Variants in COL6A6 observed in about 807,000 individuals in gnomAD.
The protein encoded by COL6A6 is collagen type VI alpha 6 chain.
Under a neutral mutation model 208.6 loss-of-function variants are expected in COL6A6, and 183 were observed. That is an observed-to-expected ratio of 0.88 (90% CI 0.78 to 0.99). The LOEUF is 0.99. Among genes scored for constraint, COL6A6 ranks in the 50% least tolerant of loss-of-function variants. COL6A6 has a pLI of 0.00. For missense variants in COL6A6, 2,816 were observed against 2,815.2 expected (o/e 1.00, Z -0.01); for synonymous variants, 973 against 1,011.8 (o/e 0.96, Z 0.73).
At chr3:130,542,425 G>A (rs939504846) in intron 1 of COL6A6, among the ~76,000 whole-genome samples, 2 of 152,002 alleles carry the variant, frequency 1.3e-5, no homozygotes, top group Admixed American at 6.6e-5. Context: ...ATTTGTGAAC[G>A]TGTTTTGTGG....
At chr3:130,639,689 C>T (rs1446739844) in intron 28 of COL6A6, among the ~76,000 whole-genome samples, 1 of 94,664 alleles carries the variant, frequency 1.1e-5, no homozygotes, top group African/African-American at 3.7e-5. Flanking sequence ...GATCCTGTCT[C>T]AAAAAAAAAA....
intron 1 of COL6A6, among the ~76,000 whole-genome samples, chr3:130,544,333 G>A (rs1393591815): frequency 6.6e-6 from 1 of 152,130 alleles, no homozygotes; most frequent in Non-Finnish European, 1.5e-5. Context: ...TGGCAAATGG[G>A]AGGATATCCT....
chr3:130,528,591 A>G (rs1450780113), intron 1 of COL6A6, among the ~76,000 whole-genome samples: 1 of 152,210 alleles, frequency 6.6e-6, no homozygotes, highest in African/African-American at 2.4e-5. Context: ...GTGTGTTCCA[A>G]TAAAGCTTTA....
chr3:130,550,760 A>T (rs560132321), intron 1 of COL6A6, among the ~76,000 whole-genome samples: 115 of 152,310 alleles, frequency 7.6e-4, no homozygotes, highest in African/African-American at 2.7e-3. Flanking sequence ...ATTCTGGAAG[A>T]TAAAATTCAA....
At chr3:130,524,951 C>T (rs192462925) in intron 1 of COL6A6, among the ~76,000 whole-genome samples, 1 of 152,310 alleles carries the variant, frequency 6.6e-6, no homozygotes, top group East Asian at 1.9e-4. Context: ...GACTTCAGCT[C>T]TTCACAAGGT....
Position 130,581,562 on chromosome 3 carries a change from CTGTTTCGTGGA to C in COL6A6, c.3554_3564del (p.Phe1185CysfsTer5), listed in dbSNP as rs2063421133. 6.3e-7 allele frequency: 1 copy of C among 1,599,282 alleles called. No individual in the cohort carries two copies. Among genetic ancestry groups the C allele is most frequent in the African/African-American group, 1.3e-5 (1 of 74,804 alleles). ...ACATGCTTTTCCTTTGAATCCTAGA[CTGTTTCGTGGA>C]TGTTGTGGTGGGATTTGATGTCTCA... is the stretch of plus-strand genomic sequence containing the variant. On this transcript the variant is annotated frameshift_variant and splice_region_variant, in exon 9 of 37. Coordinates refer to ENST00000358511, the MANE Select transcript of COL6A6 (RefSeq NM_001102608.3). LOFTEE classifies it high-confidence loss of function.
At position 130,587,411 on chromosome 3, in the gene COL6A6, G is replaced by A. The variant is rs149796773; in HGVS notation, c.4125+751G>A. Among the ~76,000 whole-genome samples the A allele has an allele frequency of 3.3e-3, 498 of 152,236 alleles. 1 individual carries two copies. The highest frequency in any genetic ancestry group is 6.8e-3 in the Middle Eastern group (2 of 292). On this transcript the variant is annotated intron_variant, in intron 11 of 36. Transcript: ENST00000358511. ...CGAGTAGCTGGGATTACCGGCGCCC[G>A]CCACCATGCCCGGCTAATTTTTGTA...
chr3:130,643,982 T>A (rs2065392804), intron 31 of COL6A6, among the ~76,000 whole-genome samples: 1 of 152,124 alleles, frequency 6.6e-6, no homozygotes, highest in Non-Finnish European at 1.5e-5. Context: ...GTTAGTGCGG[T>A]GGGTTTTATG....
chr3:130,603,892 T>G (rs2064101203), intron 20 of COL6A6, among the ~76,000 whole-genome samples: 1 of 151,992 alleles, frequency 6.6e-6, no homozygotes, highest in Admixed American at 6.5e-5. Flanking sequence ...AAGCCAGGCT[T>G]TGGGGGAATG....
At chr3:130,552,728 G>A (rs1038785751) in intron 1 of COL6A6, among the ~76,000 whole-genome samples, 4 of 152,208 alleles carry the variant, frequency 2.6e-5, no homozygotes, top group Admixed American at 2.0e-4. Context: ...ACTTGTTTGT[G>A]TGGTTGCTGG....
chr3:130,658,611 G>A (rs2065859580), intron 33 of COL6A6, 65 bp from the exon 34 acceptor site: 2 of 1,013,068 alleles, frequency 2.0e-6, no homozygotes, highest in South Asian at 2.7e-5. Context: ...AGTTCTCTAT[G>A]TAGTCCTAAG....
At chr3:130,628,794 C>T (rs1576360153) in intron 26 of COL6A6, among the ~76,000 whole-genome samples, 1 of 68,970 alleles carries the variant, frequency 1.4e-5, no homozygotes, top group Non-Finnish European at 2.3e-5. Flanking sequence ...ACGCAGAAGA[C>T]GGTGATTTCT....
intron 1 of COL6A6, among the ~76,000 whole-genome samples, chr3:130,551,631 GTTT>G (rs1361426497): frequency 3.2e-5 from 4 of 123,342 alleles, no homozygotes; most frequent in Non-Finnish European, 7.1e-5. Context: ...GATCTTTTGG[GTTT>G]TTTTTTTTTT....
Position 130,561,700 on chromosome 3 carries a change from C to T in COL6A6, c.64+1272C>T, listed in dbSNP as rs569171848. ...TCGCTCTGTCGCCCAGGCCAGACTG[C>T]GGACTGCAGTGGCGCAATCTCGGCT... On this transcript the variant is annotated intron_variant, in intron 2 of 36. Coordinates refer to ENST00000358511, the MANE Select transcript of COL6A6 (RefSeq NM_001102608.3). Among the ~76,000 whole-genome samples the T allele has an allele frequency of 1.2e-4, 15 of 127,378 alleles. No individual in the cohort carries two copies. In the East Asian group the frequency reaches 3.3e-3, roughly 28 times the overall value. 83.6% of individuals were successfully genotyped at this position (127,378 alleles called of 152,430 possible).
chr3:130,644,617 G>A (rs1313666395), intron 31 of COL6A6, among the ~76,000 whole-genome samples: 1 of 152,114 alleles, frequency 6.6e-6, no homozygotes, highest in Non-Finnish European at 1.5e-5. Flanking sequence ...ATATATAAAT[G>A]ATAGTTATAG....
At chr3:130,612,625 C>T (rs545954237) in intron 23 of COL6A6, among the ~76,000 whole-genome samples, 1 of 152,238 alleles carries the variant, frequency 6.6e-6, no homozygotes, top group East Asian at 1.9e-4. Flanking sequence ...CAGGGCTCCT[C>T]TGACCTGTAG....
At position 130,649,233 on chromosome 3, in the gene COL6A6, A is replaced by G. The variant is rs1447429941; in HGVS notation, c.5404A>G (p.Ile1802Val). The G allele has an allele frequency of 6.3e-7, 1 of 1,592,636 alleles. No homozygotes were observed. Among genetic ancestry groups the G allele is most frequent in the Admixed American group, 1.8e-5 (1 of 56,584 alleles). The change falls in exon 33 of 37, where the codon ATC becomes GTC. Residue 1802 changes from isoleucine (I) to valine (V), a missense_variant. By Grantham distance (29) the Ile-to-Val change is conservative (BLOSUM62 3). Transcript: ENST00000358511. ...NSCPVGAHIA[I>V]LSYNSHARHL... ...CTGCCCCGTGGGAGCGCACATCGCC[A>G]TCCTCTCCTATAACTCCCACGCCAG...
At chr3:130,666,883 A>G (rs1476165642) in intron 36 of COL6A6, among the ~76,000 whole-genome samples, 1 of 152,226 alleles carries the variant, frequency 6.6e-6, no homozygotes, top group Non-Finnish European at 1.5e-5. Context: ...ATAGAAAGCA[A>G]CAGTTGGACA....
At chr3:130,642,904 G>A (rs2065359232) in intron 30 of COL6A6, 37 bp downstream of exon 30, 1 of 1,613,000 alleles carries the variant, frequency 6.2e-7, no homozygotes, top group Admixed American at 1.7e-5. Flanking sequence ...TGCTCTGAGT[G>A]CTCCATTCAA....
Sources: allele counts gnomAD v4.1 joint callset (sites outside exome capture counted in the v4.1 genomes callset), GRCh38; gene constraint gnomAD v4.1.1; transcripts MANE v1.5; gene names NCBI Gene and HGNC (gene_info 2026-07-23, HGNC 2026-07-21).